Variants in DCC observed in about 807,000 individuals in gnomAD.
DCC encodes the protein netrin receptor DCC.
In DCC, 58 loss-of-function variants were observed where a neutral mutation model predicts 172.5. The observed-to-expected ratio is 0.34, with a 90% CI of 0.27 to 0.42. The LOEUF (loss-of-function observed/expected upper bound fraction) is 0.42. DCC is among the 10% of genes least tolerant of loss of function. The pLI is 1.00. For synonymous variants in DCC, 709 were observed against 644.5 expected (o/e 1.10, Z -1.52); for missense variants, 1,740 against 1,791.0 (o/e 0.97, Z 0.51).
At chr18:53,415,988 G>A (rs1910290792) in intron 20 of DCC, 136 bp from the exon 21 acceptor site, 1 of 711,384 alleles carries the variant, frequency 1.4e-6, no homozygotes, top group East Asian at 2.7e-5. Context: ...GTAAGTTTGG[G>A]TCCTTATCAA....
chr18:53,162,761 T>A (rs1310591158), intron 8 of DCC, among the ~76,000 whole-genome samples: 1 of 152,198 alleles, frequency 6.6e-6, no homozygotes, highest in Non-Finnish European at 1.5e-5. Flanking sequence ...GCACTCACTA[T>A]GTACTTTTTA....
At chr18:53,078,769 T>C (rs1447268787) in intron 7 of DCC, among the ~76,000 whole-genome samples, 1 of 152,144 alleles carries the variant, frequency 6.6e-6, no homozygotes, top group Non-Finnish European at 1.5e-5. Context: ...GACCCTAACT[T>C]TCCCTGAAAC....
At chr18:53,111,394 TATA>T (rs1326555166) in intron 7 of DCC, among the ~76,000 whole-genome samples, 2 of 141,586 alleles carry the variant, frequency 1.4e-5, no homozygotes, top group African/African-American at 5.3e-5. Flanking sequence ...AAACTTAAAG[TATA>T]ATAATAATAA....
At position 52,559,747 on chromosome 18, in the gene DCC, T is replaced by C. The variant is rs968619791; in HGVS notation, c.92-192307T>C. Among the ~76,000 whole-genome samples the C allele has an allele frequency of 2.6e-5, 4 of 152,018 alleles. No homozygotes were observed. In the South Asian group the frequency reaches 8.3e-4, roughly 32 times the overall value. ...GCCCCAAATTTGATTTATTTCCCCA[T>C]CCAAGTAAATTTTAAAAGGCTGCCA... On this transcript the variant is annotated intron_variant, in intron 1 of 28. Transcript: ENST00000442544.
intron 2 of DCC, among the ~76,000 whole-genome samples, chr18:52,778,957 C>T (rs1419159316): frequency 6.6e-6 from 1 of 152,144 alleles, no homozygotes; most frequent in Non-Finnish European, 1.5e-5. Flanking sequence ...GACTTAAAAA[C>T]ATATATGACA....
At chr18:53,078,291 A>G (rs2042749694) in intron 7 of DCC, among the ~76,000 whole-genome samples, 2 of 152,148 alleles carry the variant, frequency 1.3e-5, no homozygotes, top group African/African-American at 4.8e-5. Flanking sequence ...ACCCTGTCTC[A>G]TAAGCAAGTA....
At chr18:52,961,815 C>A (rs1352176253) in intron 5 of DCC, among the ~76,000 whole-genome samples, 1 of 152,062 alleles carries the variant, frequency 6.6e-6, no homozygotes, top group Non-Finnish European at 1.5e-5. Context: ...ATATCTACAA[C>A]CATCTGATCT....
rs1412496407 is a variant in DCC, at chr18:53,157,378, C to G, written c.1284C>G (p.Leu428=). The G allele has an allele frequency of 6.2e-7, 1 of 1,614,112 alleles. No homozygotes were observed. The highest frequency in any genetic ancestry group is 1.1e-5 in the South Asian group (1 of 91,082). ...PKPAIPSSSV[L]PSAPRDVVPV... ...TAGCTATCCCAAGCTCCAGTGTCCTCCCTTCGGCTCCCAGAGATGTGGTCC... is the reference window on the plus strand; with the variant it reads ...TAGCTATCCCAAGCTCCAGTGTCCTGCCTTCGGCTCCCAGAGATGTGGTCC... The change falls in exon 8 of 29, where the codon CTC becomes CTG. Residue 428 remains leucine, a synonymous_variant. Coordinates refer to ENST00000442544, the MANE Select transcript of DCC (RefSeq NM_005215.4).
chr18:52,828,191 T>C (rs1237615968), intron 2 of DCC, among the ~76,000 whole-genome samples: 4 of 152,186 alleles, frequency 2.6e-5, no homozygotes, highest in Non-Finnish European at 5.9e-5. Context: ...TCCAAGATTG[T>C]TTTCTACTAC....
At chr18:53,512,886 T>C (rs1328694391) in intron 27 of DCC, among the ~76,000 whole-genome samples, 4 of 152,160 alleles carry the variant, frequency 2.6e-5, no homozygotes, top group Non-Finnish European at 4.4e-5. Context: ...GGAAACACTC[T>C]GCAGGATATT....
intron 12 of DCC, among the ~76,000 whole-genome samples, chr18:53,233,341 T>C (rs944526944): frequency 6.6e-6 from 1 of 152,134 alleles, no homozygotes; most frequent in Non-Finnish European, 1.5e-5. Flanking sequence ...AAAATACACA[T>C]TTTTTTGCCT....
intron 9 of DCC, among the ~76,000 whole-genome samples, chr18:53,202,541 G>T (rs1394566799): frequency 1.3e-5 from 2 of 152,134 alleles, no homozygotes; most frequent in African/African-American, 4.8e-5. Flanking sequence ...TGCTAGAAAT[G>T]GACTCCATCA....
chr18:52,459,964 T>G (rs1378808764), intron 1 of DCC, among the ~76,000 whole-genome samples: 2 of 152,036 alleles, frequency 1.3e-5, no homozygotes, highest in Non-Finnish European at 2.9e-5. Context: ...CTACCATTAA[T>G]GGACATTTAG....
intron 7 of DCC, among the ~76,000 whole-genome samples, chr18:53,087,335 C>T (rs998451875): frequency 5.9e-5 from 9 of 151,566 alleles, no homozygotes; most frequent in African/African-American, 1.9e-4. Context: ...TTTTGATTTG[C>T]ATTTCTCTGA....
At chr18:53,452,394 G>A (rs967113139) in intron 23 of DCC, among the ~76,000 whole-genome samples, 1 of 152,000 alleles carries the variant, frequency 6.6e-6, no homozygotes, top group Non-Finnish European at 1.5e-5. Context: ...CCCCCGCCCC[G>A]TGTCATTTCT....
intron 15 of DCC, among the ~76,000 whole-genome samples, chr18:53,344,758 G>A (rs922561807): frequency 1.3e-5 from 2 of 151,584 alleles, no homozygotes; most frequent in South Asian, 2.1e-4. Context: ...GTTATTAATA[G>A]CACTTTAGCA....
intron 12 of DCC, 97 bp downstream of exon 12, chr18:53,215,694 T>C: frequency 2.1e-6 from 2 of 960,282 alleles, no homozygotes; most frequent in Non-Finnish European, 3.4e-6. Flanking sequence ...TACAGGATAG[T>C]GGCTTCCATG....
At chr18:53,004,131 T>G (rs2041609458) in intron 5 of DCC, among the ~76,000 whole-genome samples, 1 of 152,178 alleles carries the variant, frequency 6.6e-6, no homozygotes, top group Non-Finnish European at 1.5e-5. Context: ...ATGTGTTTGG[T>G]TCCTTTTCAG....
At chr18:52,922,551 T>C (rs2040142507) in intron 3 of DCC, among the ~76,000 whole-genome samples, 1 of 152,192 alleles carries the variant, frequency 6.6e-6, no homozygotes, top group Admixed American at 6.5e-5. Context: ...GCTTTGAGTC[T>C]GCAAAATGAC....
Sources: gnomAD v4.1 joint callset for allele counts (sites outside exome capture counted in the v4.1 genomes callset) on GRCh38, gnomAD v4.1.1 for gene constraint, MANE v1.5 for transcripts, NCBI Gene and HGNC (gene_info 2026-07-23, HGNC 2026-07-21) for gene names.